AKR1C3: variants seen among roughly 807,000 people sequenced by gnomAD.
AKR1C3 encodes aldo-keto reductase family 1 member C3, also known as 3-alpha hydroxysteroid dehydrogenase, type II.
In AKR1C3, 48 loss-of-function variants were observed where a neutral mutation model predicts 43.6. That is an observed-to-expected ratio of 1.10 (90% CI 0.87 to 1.40). The LOEUF (loss-of-function observed/expected upper bound fraction) is 1.40. Among genes scored for constraint, AKR1C3 ranks in the 40% most tolerant of loss-of-function variants. AKR1C3 has a pLI of 0.00. For missense variants in AKR1C3, 482 were observed against 391.2 expected (o/e 1.23, Z -1.96); for synonymous variants, 162 against 139.6 (o/e 1.16, Z -1.13).
At chr10:5,067,364 T>G (rs1430342312) in intron 1 of AKR1C3, among the ~76,000 whole-genome samples, 5 of 152,166 alleles carry the variant, frequency 3.3e-5, no homozygotes, top group Non-Finnish European at 7.4e-5. Context: ...ATTTCCCTGG[T>G]TAGTTTTACC....
chr10:5,098,596 A>G (rs1433297640), intron 3 of AKR1C3, among the ~76,000 whole-genome samples: 1 of 152,232 alleles, frequency 6.6e-6, no homozygotes, highest in Non-Finnish European at 1.5e-5. Flanking sequence ...TTCCATGCAT[A>G]TAATATTTGT....
At chr10:5,055,278 C>T (rs1418072391) in intron 1 of AKR1C3, among the ~76,000 whole-genome samples, 1 of 152,238 alleles carries the variant, frequency 6.6e-6, no homozygotes, top group African/African-American at 2.4e-5. Context: ...TCTCAGACGG[C>T]ATAAATCTAG....
intron 2 of AKR1C3, among the ~76,000 whole-genome samples, chr10:5,097,144 C>G (rs1839226090): frequency 1.3e-5 from 2 of 152,078 alleles, no homozygotes; most frequent in African/African-American, 4.8e-5. Flanking sequence ...GAGTTGTAAA[C>G]TCTACTGAAG....
chr10:5,068,953 T>A (rs1205254408), intron 1 of AKR1C3, among the ~76,000 whole-genome samples: 1 of 152,238 alleles, frequency 6.6e-6, no homozygotes, highest in Non-Finnish European at 1.5e-5. Context: ...TTAGACCACA[T>A]GTTTACATTT....
Position 5,098,790 on chromosome 10 carries a change from C to A in AKR1C3, c.370-12C>A, listed in dbSNP as rs372874267. ...ATTTGTGACATCATTAAAATGACTG[C>A]TTCTATTTCAGCCAGGTGAGGAACT... On this transcript the variant is annotated splice_polypyrimidine_tract_variant and intron_variant, in intron 3 of 8. Coordinates refer to ENST00000380554, the MANE Select transcript of AKR1C3 (RefSeq NM_003739.6). 6.2e-7 allele frequency: 1 copy of A among 1,611,318 alleles called. No homozygotes were observed. The highest frequency in any genetic ancestry group is 2.2e-5 in the East Asian group (1 of 44,818).
intron 1 of AKR1C3, among the ~76,000 whole-genome samples, chr10:5,058,707 C>T (rs993427686): frequency 2.8e-4 from 43 of 152,152 alleles, no homozygotes; most frequent in Admixed American, 1.9e-3. Flanking sequence ...CGCTCACCGA[C>T]GCAGCAGCAG....
At chr10:5,076,378 G>T (rs1838715090) in intron 1 of AKR1C3, among the ~76,000 whole-genome samples, 2 of 150,664 alleles carry the variant, frequency 1.3e-5, no homozygotes, top group Non-Finnish European at 3.0e-5. Flanking sequence ...TTGAAATCCT[G>T]ATAAAAAGTT....
chr10:5,050,442 G>T (rs1193251949), intron 1 of AKR1C3, among the ~76,000 whole-genome samples: 2 of 152,222 alleles, frequency 1.3e-5, no homozygotes, highest in East Asian at 1.9e-4. Context: ...GAAGGTTTTA[G>T]TAGTCATAGA....
intron 1 of AKR1C3, among the ~76,000 whole-genome samples, chr10:5,060,228 G>C (rs369679090): frequency 6.6e-6 from 1 of 152,166 alleles, no homozygotes; most frequent in Non-Finnish European, 1.5e-5. Context: ...AGCTTCCACA[G>C]TGTGGAAGGG....
intron 7 of AKR1C3, among the ~76,000 whole-genome samples, chr10:5,103,631 C>T (rs1839415252): frequency 6.6e-6 from 1 of 152,182 alleles, no homozygotes; most frequent in South Asian, 2.1e-4. Context: ...TATAGTTCAT[C>T]CTGCAGCCAT....
At chr10:5,056,377 G>A (rs1838263788) in intron 1 of AKR1C3, among the ~76,000 whole-genome samples, 1 of 152,188 alleles carries the variant, frequency 6.6e-6, no homozygotes, top group African/African-American at 2.4e-5. Context: ...GCAGGGTATA[G>A]GGATTGGGTA....
At chr10:5,074,137 C>T (rs918003879) in intron 1 of AKR1C3, among the ~76,000 whole-genome samples, 20 of 152,124 alleles carry the variant, frequency 1.3e-4, no homozygotes, top group African/African-American at 4.3e-4. Flanking sequence ...CCCACCTTTC[C>T]GGACTGAACC....
chr10:5,098,034 T>A (rs1839253998), intron 3 of AKR1C3: 1 of 1,000,448 alleles, frequency 1.0e-6, no homozygotes, highest in Admixed American at 5.8e-5. Flanking sequence ...ATTATTCTGC[T>A]GCCTCTTCTT....
At chr10:5,057,601 T>C (rs2131779511) in intron 1 of AKR1C3, among the ~76,000 whole-genome samples, 1 of 152,198 alleles carries the variant, frequency 6.6e-6, no homozygotes, top group East Asian at 1.9e-4. Context: ...TCCTGAGTCA[T>C]GGTGGACATC....
intron 8 of AKR1C3, among the ~76,000 whole-genome samples, chr10:5,106,802 A>G (rs868992555): frequency 1.3e-5 from 2 of 152,058 alleles, no homozygotes; most frequent in South Asian, 2.1e-4. Flanking sequence ...GGAAATTTTA[A>G]CAAGTGATAG....
upstream of AKR1C3, among the ~76,000 whole-genome samples, chr10:5,091,035 A>G (rs1430729679): frequency 2.0e-5 from 3 of 152,132 alleles, no homozygotes; most frequent in Admixed American, 2.0e-4. Context: ...AATAAAGTGT[A>G]GGATGAGAGT....
intron 7 of AKR1C3, 131 bp from the exon 8 acceptor site, chr10:5,105,464 T>C: frequency 3.2e-6 from 2 of 633,830 alleles, no homozygotes; most frequent in East Asian, 5.6e-5. Flanking sequence ...CCTGAGTGTT[T>C]AGAGCTGACT....
intron 8 of AKR1C3, among the ~76,000 whole-genome samples, 160 bp from the exon 9 acceptor site, chr10:5,107,301 A>AC: frequency 6.6e-6 from 1 of 152,226 alleles, no homozygotes; most frequent in East Asian, 1.9e-4. Context: ...TTTTGAAAAT[A>AC]CTGTATTATG....
At chr10:5,089,598 T>C (rs1554783828), upstream of AKR1C3, among the ~76,000 whole-genome samples, 2 of 152,106 alleles carry the variant, frequency 1.3e-5, no homozygotes, top group African/African-American at 4.8e-5. Context: ...AAATTTTTGG[T>C]TTTTTCCCAA....
Sources: gnomAD v4.1 joint callset for allele counts (sites outside exome capture counted in the v4.1 genomes callset) on GRCh38, gnomAD v4.1.1 for gene constraint, MANE v1.5 for transcripts, NCBI Gene and HGNC (gene_info 2026-07-23, HGNC 2026-07-21) for gene names.